EPHB2: variants seen among roughly 807,000 people sequenced by gnomAD.
EPHB2 encodes EPH receptor B2, also known as ephrin type-B receptor 2.
Under a neutral mutation model 96.4 loss-of-function variants are expected in EPHB2, and 18 were observed. That is an observed-to-expected ratio of 0.19 (90% CI 0.13 to 0.28). The LOEUF is 0.28. Ranked by LOEUF, EPHB2 falls within the 10% of genes least tolerant of loss-of-function variation. The pLI is 1.00. For synonymous variants in EPHB2, 506 were observed against 534.1 expected (o/e 0.95, Z 0.72); for missense variants, 989 against 1,355.4 (o/e 0.73, Z 4.25).
intron 1 of EPHB2, among the ~76,000 whole-genome samples, chr1:22,772,421 C>G (rs1644392359): frequency 6.6e-6 from 1 of 152,206 alleles, no homozygotes; most frequent in South Asian, 2.1e-4. Context: ...CTATGAGAGT[C>G]CTCGGGCAGA....
intron 2 of EPHB2, among the ~76,000 whole-genome samples, chr1:22,783,679 C>T (rs945984443): frequency 3.3e-5 from 5 of 152,200 alleles, no homozygotes; most frequent in African/African-American, 9.7e-5. Flanking sequence ...CCCAACTTTC[C>T]ACCACCTGGC....
At position 22,913,287 on chromosome 1, in the gene EPHB2, A is replaced by G. The variant is rs1570475609; in HGVS notation, c.2853-175A>G. On this transcript the variant is annotated intron_variant, in intron 15 of 15. Transcript: ENST00000374630. The surrounding 1 kb of genome is among the most constrained non-coding windows in gnomAD (Gnocchi z 4.1). ...CTGATTCCGACTCAAGTGCTCTTCC[A>G]CCTCACACCATAGTCGCTCCCTCCA... 1.3e-6 allele frequency: 1 copy of G among 769,770 alleles called. No individual in the cohort carries two copies. The highest frequency in any genetic ancestry group is 2.2e-6 in the Non-Finnish European group (1 of 460,998). 47.7% of individuals were successfully genotyped at this position (769,770 alleles called of 1,614,324 possible).
intron 5 of EPHB2, among the ~76,000 whole-genome samples, chr1:22,879,290 G>A (rs1004441961): frequency 2.6e-5 from 4 of 152,234 alleles, no homozygotes; most frequent in Admixed American, 6.5e-5. Flanking sequence ...GGGGATTGGG[G>A]TGCTTCCCGG....
At position 22,784,861 on chromosome 1, in the gene EPHB2, G is replaced by A. The variant is rs201754821; in HGVS notation, c.596G>A (p.Arg199His). The A allele has an allele frequency of 4.0e-5, 65 of 1,612,004 alleles. No individual in the cohort carries two copies. The highest frequency in any genetic ancestry group is 1.6e-4 in the Middle Eastern group (1 of 6,076). The change falls in exon 3 of 16, where the codon CGC becomes CAC. Residue 199 changes from arginine to histidine, a missense_variant. By Grantham distance (29) the Arg-to-His change is conservative. Transcript: ENST00000374630. The surrounding 1 kb of genome is among the most constrained non-coding windows in gnomAD (Gnocchi z 5.1). ...AVRVFYRKCPRIIQNGAIFQE... is the reference protein window; with the variant it reads ...AVRVFYRKCPHIIQNGAIFQE... Reference sequence around the variant, plus strand: ...CGTGTCTTCTACCGCAAGTGCCCCCGCATCATCCAGAATGGCGCCATCTTC... The same window carrying A: ...CGTGTCTTCTACCGCAAGTGCCCCCACATCATCCAGAATGGCGCCATCTTC...
At chr1:22,757,096 T>A (rs1459690417) in intron 1 of EPHB2, among the ~76,000 whole-genome samples, 1 of 152,144 alleles carries the variant, frequency 6.6e-6, no homozygotes, top group Non-Finnish European at 1.5e-5. Context: ...CAAACTTTTT[T>A]AAAAACAGAG....
chr1:22,868,485 G>A (rs1638556234), intron 5 of EPHB2, among the ~76,000 whole-genome samples: 1 of 152,166 alleles, frequency 6.6e-6, no homozygotes, highest in African/African-American at 2.4e-5. Context: ...TCACTCACTA[G>A]TGTGTGGGTC....
intron 1 of EPHB2, among the ~76,000 whole-genome samples, chr1:22,748,732 A>G (rs1644014707): frequency 6.7e-6 from 1 of 148,808 alleles, no homozygotes; most frequent in Non-Finnish European, 1.5e-5. Context: ...ATATATGTAC[A>G]TACATAAACA....
intron 4 of EPHB2, among the ~76,000 whole-genome samples, chr1:22,863,891 A>G (rs1638365056): frequency 6.6e-6 from 1 of 151,848 alleles, no homozygotes; most frequent in Non-Finnish European, 1.5e-5. Context: ...ACACCCAGCT[A>G]ATTTTTCTAA....
intron 3 of EPHB2, among the ~76,000 whole-genome samples, chr1:22,861,647 G>T (rs1323270631): frequency 1.3e-5 from 2 of 152,110 alleles, no homozygotes; most frequent in African/African-American, 4.8e-5. Flanking sequence ...ATTTTGGTGG[G>T]TAAGTAAAGC....
intron 1 of EPHB2, among the ~76,000 whole-genome samples, chr1:22,748,777 A>G (rs1644015518): frequency 6.7e-6 from 1 of 149,622 alleles, no homozygotes; most frequent in Non-Finnish European, 1.5e-5. Flanking sequence ...AATAAATTAT[A>G]TAATTTATTT....
chr1:22,767,693 C>T lies in EPHB2; in HGVS notation c.62-13728C>T, dbSNP rs377000443. Among the ~76,000 whole-genome samples, 21 of 152,282 alleles carry T rather than the reference C, an allele frequency of 1.4e-4. No individual in the cohort carries two copies. The South Asian group carries it at 1.9e-3, about 14-fold the overall frequency. On this transcript the variant is annotated intron_variant, in intron 1 of 15. Coordinates refer to ENST00000374630, the MANE Select transcript of EPHB2 (RefSeq NM_017449.5). ...CATGTCCTCCTTCCCACCACTGGCC[C>T]AGGGTGCCCCTCTTCCCCCTGTGTC...
chr1:22,783,641 G>A (rs1644566251), intron 2 of EPHB2, among the ~76,000 whole-genome samples: 1 of 152,214 alleles, frequency 6.6e-6, no homozygotes, highest in Non-Finnish European at 1.5e-5. Context: ...AGTGTGAGGA[G>A]ATAACCCGGG....
intron 6 of EPHB2, among the ~76,000 whole-genome samples, chr1:22,886,437 T>C (rs2148557360): frequency 6.6e-6 from 1 of 152,236 alleles, no homozygotes; most frequent in South Asian, 2.1e-4. Flanking sequence ...TCTGGAATTA[T>C]GCAATCTGAC....
Position 22,913,706 on chromosome 1 carries a change from T to G in EPHB2, c.*136T>G. On this transcript the variant is annotated 3_prime_UTR_variant, in exon 16 of 16. Coordinates refer to ENST00000374630, the MANE Select transcript of EPHB2 (RefSeq NM_017449.5). This position sits in a 1 kb window ranked among gnomAD's most constrained non-coding sequence, Gnocchi z 4.1. ...ACGGGCCACGGGAAGAACCAAGCGG[T>G]GCCAGCCACGAGACGTCACCAAGAA... The G allele has an allele frequency of 1.3e-6, 2 of 1,598,130 alleles. No individual in the cohort carries two copies. The highest frequency in any genetic ancestry group is 2.3e-5 in the East Asian group (1 of 44,338).
chr1:22,863,217 C>T (rs1234766745), intron 4 of EPHB2, 25 bp downstream of exon 4: 7 of 1,613,932 alleles, frequency 4.3e-6, no homozygotes, highest in Admixed American at 1.7e-5. Flanking sequence ...CCCTCAAGGG[C>T]GATGGCTGGC....
Position 22,786,124 on chromosome 1 carries a change from G to C in EPHB2, c.811+1048G>C, listed in dbSNP as rs370341944. ...TGGTGCTAAGAAGGCTGTGAAGGTT[G>C]AAGGACCTGGGTTAAATCACCCCTT... On this transcript the variant is annotated intron_variant, in intron 3 of 15. Coordinates refer to ENST00000374630, the MANE Select transcript of EPHB2 (RefSeq NM_017449.5). Among the ~76,000 whole-genome samples the C allele has an allele frequency of 2.0e-4, 31 of 152,350 alleles. 2 individuals are homozygous for C. The East Asian group carries it at 3.9e-3, about 19-fold the overall frequency.
chr1:22,825,092 C>T lies in EPHB2; in HGVS notation c.812-37945C>T, dbSNP rs1475734466. ...CTGCACCTTGATCTCAAGAAGACCCCGTAAACTGACCATACTTTCTGGACA... is the reference window on the plus strand; with the variant it reads ...CTGCACCTTGATCTCAAGAAGACCCTGTAAACTGACCATACTTTCTGGACA... On this transcript the variant is annotated intron_variant, in intron 3 of 15. Coordinates refer to ENST00000374630, the MANE Select transcript of EPHB2 (RefSeq NM_017449.5). Among the ~76,000 whole-genome samples the T allele has an allele frequency of 2.6e-5, 4 of 152,354 alleles. No individual in the cohort carries two copies. The East Asian group carries it at 5.8e-4, about 22-fold the overall frequency.
At chr1:22,892,798 GC>G (rs762898198) in intron 6 of EPHB2, 85 bp from the exon 7 acceptor site, 1 of 1,551,192 alleles carries the variant, frequency 6.4e-7, no homozygotes, top group South Asian at 1.1e-5. Flanking sequence ...GGCCAGACCT[GC>G]CCCCAATGTG....
At chr1:22,783,057 G>T (rs982077772) in intron 2 of EPHB2, among the ~76,000 whole-genome samples, 3 of 152,200 alleles carry the variant, frequency 2.0e-5, no homozygotes, top group Non-Finnish European at 4.4e-5. Flanking sequence ...GAAATGACTT[G>T]CCCAAGGCCA....
Sources: allele counts gnomAD v4.1 joint callset (sites outside exome capture counted in the v4.1 genomes callset), GRCh38; gene constraint gnomAD v4.1.1; non-coding constraint Gnocchi (gnomAD v3.1); transcripts MANE v1.5; gene names NCBI Gene and HGNC (gene_info 2026-07-23, HGNC 2026-07-21).